ASIC2: variants seen among roughly 807,000 people sequenced by gnomAD.
The protein encoded by ASIC2 is acid-sensing ion channel 2.
ASIC2 carries 25 observed loss-of-function variants against 57.3 expected under a neutral mutation model. The ratio of observed to expected loss-of-function variants is 0.44; its 90% confidence interval spans 0.32 to 0.61. The LOEUF (loss-of-function observed/expected upper bound fraction) is 0.61, where lower values mean the gene tolerates loss of function less well. Among genes scored for constraint, ASIC2 ranks in the 20% least tolerant of loss-of-function variants. The pLI, the probability that ASIC2 is intolerant of heterozygous loss-of-function variation, is 0.06. For synonymous variants in ASIC2, 319 were observed against 307.5 expected (o/e 1.04, Z -0.39); for missense variants, 641 against 738.1 (o/e 0.87, Z 1.52).
At chr17:33,737,707 C>A (rs1909962730) in intron 1 of ASIC2, among the ~76,000 whole-genome samples, 2 of 148,254 alleles carry the variant, frequency 1.3e-5, no homozygotes, top group Non-Finnish European at 3.0e-5. Flanking sequence ...TGGCAGCCAT[C>A]CTTATTGAGT....
intron 1 of ASIC2, among the ~76,000 whole-genome samples, chr17:33,166,264 T>A (rs1415670734): frequency 6.6e-6 from 1 of 152,224 alleles, no homozygotes; most frequent in Non-Finnish European, 1.5e-5. Context: ...AATTAATGGT[T>A]ATAAAGTTAC....
chr17:34,100,867 T>C (rs1190755266), intron 1 of ASIC2, among the ~76,000 whole-genome samples: 1 of 152,224 alleles, frequency 6.6e-6, no homozygotes, highest in Non-Finnish European at 1.5e-5. Flanking sequence ...TAGGAAGCCA[T>C]GGAGTTTTGT....
intron 1 of ASIC2, among the ~76,000 whole-genome samples, chr17:34,015,115 C>A (rs1323947538): frequency 7.0e-6 from 1 of 142,968 alleles, no homozygotes; most frequent in African/African-American, 2.6e-5. Flanking sequence ...TGTTACATTG[C>A]CCAGGCTGGT....
chr17:34,112,457 C>CAA (rs35815808), intron 1 of ASIC2, among the ~76,000 whole-genome samples: 1 of 79,986 alleles, frequency 1.3e-5, no homozygotes, highest in African/African-American at 4.4e-5. Context: ...CAAGACAGGC[C>CAA]AAAAAAAAAA....
intron 1 of ASIC2, among the ~76,000 whole-genome samples, chr17:33,445,587 C>T (rs1342482807): frequency 6.6e-6 from 1 of 151,974 alleles, no homozygotes; most frequent in South Asian, 2.1e-4. Flanking sequence ...CCCCTGAGAT[C>T]GGAAGTTCAA....
intron 1 of ASIC2, among the ~76,000 whole-genome samples, chr17:33,831,456 G>A (rs901541173): frequency 6.6e-5 from 10 of 151,982 alleles, no homozygotes; most frequent in Non-Finnish European, 7.4e-5. Context: ...GGGCTACCCC[G>A]AAGACCAAGA....
chr17:33,175,321 C>T (rs1225147270), intron 1 of ASIC2, among the ~76,000 whole-genome samples: 1 of 152,202 alleles, frequency 6.6e-6, no homozygotes, highest in Non-Finnish European at 1.5e-5. Flanking sequence ...CTTTAGGGCG[C>T]ATTCTGGGCA....
chr17:33,868,080 T>C (rs1007409440), intron 1 of ASIC2, among the ~76,000 whole-genome samples: 1 of 152,214 alleles, frequency 6.6e-6, no homozygotes, highest in African/African-American at 2.4e-5. Context: ...CATTTTTTTT[T>C]CTCTCTGAGC....
At chr17:33,059,944 A>T (rs369346842) in intron 3 of ASIC2, among the ~76,000 whole-genome samples, 1 of 152,248 alleles carries the variant, frequency 6.6e-6, no homozygotes, top group South Asian at 2.1e-4. Context: ...GTCTGTTGGC[A>T]GCATCAATGT....
intron 1 of ASIC2, among the ~76,000 whole-genome samples, chr17:33,429,446 A>T (rs1911328823): frequency 6.6e-6 from 1 of 151,976 alleles, no homozygotes; most frequent in African/African-American, 2.4e-5. Context: ...GCTGGAGTGC[A>T]GTGGCGTGAT....
At chr17:33,208,258 C>T (rs1907142462) in intron 1 of ASIC2, among the ~76,000 whole-genome samples, 1 of 152,198 alleles carries the variant, frequency 6.6e-6, no homozygotes, top group Admixed American at 6.5e-5. Flanking sequence ...AAATCTGTTA[C>T]TGAAGGTTAA....
chr17:33,966,022 G>A (rs921398235), intron 1 of ASIC2, among the ~76,000 whole-genome samples: 1 of 152,224 alleles, frequency 6.6e-6, no homozygotes, highest in African/African-American at 2.4e-5. Context: ...TCACTATGCA[G>A]GCTCTGCATA....
chr17:33,453,821 C>T (rs1171865956), intron 1 of ASIC2, among the ~76,000 whole-genome samples: 1 of 152,172 alleles, frequency 6.6e-6, no homozygotes, highest in Non-Finnish European at 1.5e-5. Context: ...CACCGATCTG[C>T]TTCCTGTCAC....
At chr17:33,943,349 A>G (rs1916233258) in intron 1 of ASIC2, among the ~76,000 whole-genome samples, 1 of 152,124 alleles carries the variant, frequency 6.6e-6, no homozygotes, top group Admixed American at 6.5e-5. Flanking sequence ...AACTCCCTAT[A>G]CCGCATGTTT....
intron 1 of ASIC2, among the ~76,000 whole-genome samples, chr17:33,492,890 G>A (rs1443722409): frequency 6.6e-6 from 1 of 152,336 alleles, no homozygotes; most frequent in Non-Finnish European, 1.5e-5. Flanking sequence ...TACATAGCCT[G>A]CGTGGATGTG....
chr17:33,289,205 GCTTGGA>G (rs1241584366), intron 1 of ASIC2, among the ~76,000 whole-genome samples: 1 of 152,178 alleles, frequency 6.6e-6, no homozygotes, highest in East Asian at 1.9e-4. Context: ...TAATACTTTT[GCTTGGA>G]TGTGTGTGTG....
chr17:34,086,404 T>C (rs1028379270), intron 1 of ASIC2, among the ~76,000 whole-genome samples: 14 of 152,078 alleles, frequency 9.2e-5, no homozygotes, highest in African/African-American at 2.4e-4. Context: ...GTCTGAGAGA[T>C]AGTTTGTTAT....
chr17:33,870,226 T>TG (rs1914361029), intron 1 of ASIC2, among the ~76,000 whole-genome samples: 3 of 36,160 alleles, frequency 8.3e-5, no homozygotes, highest in African/African-American at 3.6e-4. Context: ...GAAATTCTGT[T>TG]TTTTTTTTTT....
rs1229011525 is a variant in ASIC2, at chr17:33,490,830, T to C, written c.556-378763A>G. On this transcript the variant is annotated intron_variant, in intron 1 of 9. Transcript: ENST00000359872. ...CCTTAGGAAAAATTTCCACATGGAGTCTTAGGTCAAATCATCTGGCATTTT... is the reference window on the plus strand; with the variant it reads ...CCTTAGGAAAAATTTCCACATGGAGCCTTAGGTCAAATCATCTGGCATTTT... Among the ~76,000 whole-genome samples the C allele has an allele frequency of 2.0e-5, 3 of 152,252 alleles. No homozygotes were observed. In the East Asian group the frequency reaches 5.8e-4, roughly 29 times the overall value.
Sources: allele counts gnomAD v4.1 joint callset (sites outside exome capture counted in the v4.1 genomes callset), GRCh38; gene constraint gnomAD v4.1.1; transcripts MANE v1.5; gene names NCBI Gene and HGNC (gene_info 2026-07-23, HGNC 2026-07-21).